The following PCDHA6 variants were observed in gnomAD, a reference collection of about 807,000 sequenced individuals.
PCDHA6 encodes the protein protocadherin alpha-6.
PCDHA6 carries 55 observed loss-of-function variants against 60.3 expected under a neutral mutation model. The ratio of observed to expected loss-of-function variants is 0.91; its 90% confidence interval spans 0.73 to 1.14. The LOEUF (loss-of-function observed/expected upper bound fraction) is 1.14, where lower values mean the gene tolerates loss of function less well. PCDHA6 is among the 50% of genes most tolerant of loss of function. The probability of loss-of-function intolerance (pLI) is 0.00; values close to 1 mark genes in which losing one functional copy is unlikely to be tolerated. For synonymous variants in PCDHA6, 652 were observed against 557.9 expected (o/e 1.17, Z -2.38); for missense variants, 1,327 against 1,256.5 (o/e 1.06, Z -0.85).
chr5:140,877,408 C>A, intron 1 of PCDHA6: 1 of 1,613,924 alleles, frequency 6.2e-7, no homozygotes, highest in South Asian at 1.1e-5. Context: ...TCCGCGCCAC[C>A]GCCTGCTGGT....
chr5:140,850,168 A>C, intron 1 of PCDHA6: 1 of 1,594,824 alleles, frequency 6.3e-7, no homozygotes, highest in Non-Finnish European at 8.6e-7. Flanking sequence ...GTGCTGGACG[A>C]GAACGACAAT....
At chr5:140,999,159 G>A (rs1056236953) in intron 3 of PCDHA6, among the ~76,000 whole-genome samples, 2 of 152,182 alleles carry the variant, frequency 1.3e-5, no homozygotes, top group African/African-American at 2.4e-5. Flanking sequence ...CAGTCCCCTA[G>A]AAGGAAAAGA....
intron 3 of PCDHA6, among the ~76,000 whole-genome samples, chr5:140,997,899 G>T (rs2097789789): frequency 6.6e-6 from 1 of 152,126 alleles, no homozygotes; most frequent in Non-Finnish European, 1.5e-5. Context: ...TAAATTTCAA[G>T]AAGTAGAATT....
chr5:140,967,793 G>A (rs1447753881), intron 1 of PCDHA6: 24 of 1,614,080 alleles, frequency 1.5e-5, no homozygotes, highest in Non-Finnish European at 1.9e-5. Flanking sequence ...CCGGGGTCCA[G>A]TGCCCATGGC....
intron 1 of PCDHA6, among the ~76,000 whole-genome samples, chr5:140,881,880 C>G (rs1157311188): frequency 6.6e-6 from 1 of 152,210 alleles, no homozygotes; most frequent in Non-Finnish European, 1.5e-5. Flanking sequence ...AAATGAAACT[C>G]ATCAACCAAT....
chr5:140,851,102 G>T (rs1439831567), intron 1 of PCDHA6: 1 of 1,288,512 alleles, frequency 7.8e-7, no homozygotes, highest in Non-Finnish European at 1.0e-6. Context: ...ATATTTTTTG[G>T]GTGCTGAATC....
intron 1 of PCDHA6, among the ~76,000 whole-genome samples, chr5:140,956,211 TCCTTG>T (rs2095268091): frequency 6.6e-6 from 1 of 152,198 alleles, no homozygotes; most frequent in Non-Finnish European, 1.5e-5. Flanking sequence ...AAAGAGGGCA[TCCTTG>T]TCTTGTGCTG....
intron 1 of PCDHA6, chr5:140,926,601 T>G: frequency 3.1e-6 from 1 of 317,718 alleles, no homozygotes; most frequent in Non-Finnish European, 5.7e-6. Context: ...GCGGGCGGCC[T>G]CGTCTCTGCA....
rs2042221712 is a variant in PCDHA6 at position 140,852,026 on chromosome 5, C to T, written c.2394+21541C>T. The T allele has an allele frequency of 3.2e-6, 3 of 945,562 alleles. 1 individual carries two copies. Among genetic ancestry groups the T allele is most frequent in the Non-Finnish European group, 1.3e-6 (1 of 780,832 alleles). The allele number at this position is 945,562 out of a possible 1,614,324, so 58.6% of individuals were successfully genotyped here. On this transcript the variant is annotated intron_variant, in intron 1 of 3. Transcript: ENST00000529310. ...CTAATTTATAGTTTTAAAAACTTCG[C>T]TTATTGAGTTTTTGTTATGTGGTTT...
rs1388292827 is a variant in PCDHA6, at chr5:140,857,492, G to A, written c.2394+27007G>A. On this transcript the variant is annotated intron_variant, in intron 1 of 3. Coordinates refer to ENST00000529310, the MANE Select transcript of PCDHA6 (RefSeq NM_018909.4). ...CTTCACGGTGTCTGCGTGGGACGCG[G>A]ACGCGCAGGAGAACGCCCTGGTGTC... 2 of 1,598,272 alleles carry A rather than the reference G, an allele frequency of 1.3e-6. No homozygotes were observed. The highest frequency in any genetic ancestry group is 1.7e-6 in the Non-Finnish European group (2 of 1,167,822).
chr5:140,969,129 C>G (rs576180714), intron 1 of PCDHA6: 4 of 1,614,144 alleles, frequency 2.5e-6, no homozygotes, highest in Admixed American at 1.7e-5. Context: ...GGCTCCCTCA[C>G]CAAGACCTAC....
intron 1 of PCDHA6, chr5:140,966,689 G>A (rs1002366053): frequency 2.2e-6 from 3 of 1,343,650 alleles, no homozygotes; most frequent in Non-Finnish European, 2.9e-6. Context: ...GAGCGGAGGC[G>A]GGGCCCGGGC....
At chr5:140,864,048 T>G (rs1053633631) in intron 1 of PCDHA6, 9 of 152,932 alleles carry the variant, frequency 5.9e-5, no homozygotes, top group African/African-American at 2.2e-4. Flanking sequence ...CACTTTTTAC[T>G]ACAGTCACCA....
chr5:140,833,890 A>G (rs1772705183), intron 1 of PCDHA6, among the ~76,000 whole-genome samples: 1 of 152,210 alleles, frequency 6.6e-6, no homozygotes, highest in African/African-American at 2.4e-5. Context: ...TGGGATCTAG[A>G]TCAAAGGAAT....
chr5:140,859,326 A>G (rs2045811679), intron 1 of PCDHA6: 1 of 227,460 alleles, frequency 4.4e-6, no homozygotes, highest in East Asian at 1.7e-4. Context: ...GTTTGAGGAG[A>G]AAATAAAATT....
chr5:140,947,569 A>G (rs2094145868), intron 1 of PCDHA6, among the ~76,000 whole-genome samples: 1 of 151,666 alleles, frequency 6.6e-6, no homozygotes. Flanking sequence ...TATATTGGGA[A>G]TGTTTTTAAC....
At chr5:140,898,003 G>A (rs2066458535) in intron 1 of PCDHA6, among the ~76,000 whole-genome samples, 1 of 152,152 alleles carries the variant, frequency 6.6e-6, no homozygotes, top group Non-Finnish European at 1.5e-5. Context: ...AGAAGTGTCT[G>A]TTCATATCCT....
chr5:140,929,330 G>T, intron 1 of PCDHA6: 1 of 1,535,218 alleles, frequency 6.5e-7, no homozygotes. Context: ...GCCATGGTAA[G>T]CAAATTTTAT....
At position 140,870,603 on chromosome 5, in the gene PCDHA6, C is replaced by T. The variant is rs782250124; in HGVS notation, c.2394+40118C>T. ...CGCTGGTGGAGCGGCGGTTGGGCGACCGCGCGCTGTCGAGCTACGTGTCGG... is the reference window on the plus strand; with the variant it reads ...CGCTGGTGGAGCGGCGGTTGGGCGATCGCGCGCTGTCGAGCTACGTGTCGG... On this transcript the variant is annotated intron_variant, in intron 1 of 3. Coordinates refer to ENST00000529310, the MANE Select transcript of PCDHA6 (RefSeq NM_018909.4). The T allele has an allele frequency of 4.3e-6, 7 of 1,613,340 alleles. No homozygotes were observed. The Admixed American group carries it at 1.2e-4, about 27-fold the overall frequency.
Sources: allele counts gnomAD v4.1 joint callset (sites outside exome capture counted in the v4.1 genomes callset), GRCh38; gene constraint gnomAD v4.1.1; transcripts MANE v1.5; gene names NCBI Gene and HGNC (gene_info 2026-07-23, HGNC 2026-07-21).